SNX7: variants seen among roughly 807,000 people sequenced by gnomAD.
SNX7 encodes the protein sorting nexin 7.
SNX7 carries 35 observed loss-of-function variants against 48.4 expected under a neutral mutation model. The ratio of observed to expected loss-of-function variants is 0.72; its 90% confidence interval spans 0.55 to 0.96. The LOEUF (loss-of-function observed/expected upper bound fraction) is 0.96. Among genes scored for constraint, SNX7 ranks in the 40% least tolerant of loss-of-function variants. SNX7 has a pLI of 0.00. For synonymous variants in SNX7, 190 were observed against 190.2 expected (o/e 1.00, Z 0.01); for missense variants, 553 against 548.9 (o/e 1.01, Z -0.07).
intron 8 of SNX7, among the ~76,000 whole-genome samples, chr1:98,745,748 A>G (rs932989416): frequency 6.6e-6 from 1 of 152,050 alleles, no homozygotes; most frequent in Non-Finnish European, 1.5e-5. Flanking sequence ...GGAAGTACTC[A>G]CTGGAAGCCT....
At chr1:98,740,785 T>G (rs1187240643) in intron 8 of SNX7, among the ~76,000 whole-genome samples, 1 of 152,190 alleles carries the variant, frequency 6.6e-6, no homozygotes, top group African/African-American at 2.4e-5. Context: ...TTTAACTCTT[T>G]CCCCAAGTGT....
intron 1 of SNX7, among the ~76,000 whole-genome samples, chr1:98,672,298 T>C (rs1649913732): frequency 6.6e-6 from 1 of 151,818 alleles, no homozygotes; most frequent in African/African-American, 2.4e-5. Context: ...AACTGGGACA[T>C]GCCACTCCTG....
At chr1:98,742,033 A>G (rs1654096474) in intron 8 of SNX7, among the ~76,000 whole-genome samples, 1 of 152,162 alleles carries the variant, frequency 6.6e-6, no homozygotes, top group African/African-American at 2.4e-5. Flanking sequence ...CTATTAATAT[A>G]AAATAGAACA....
chr1:98,716,365 A>G (rs1007049491), intron 7 of SNX7, among the ~76,000 whole-genome samples: 6 of 152,094 alleles, frequency 3.9e-5, no homozygotes, highest in African/African-American at 1.4e-4. Flanking sequence ...TGCTTTGACA[A>G]TCTGTACTAG....
At chr1:98,702,679 A>C (rs1461052835) in intron 7 of SNX7, among the ~76,000 whole-genome samples, 1 of 152,134 alleles carries the variant, frequency 6.6e-6, no homozygotes, top group Non-Finnish European at 1.5e-5. Flanking sequence ...GTTTATATAT[A>C]GGTCTTGAAA....
intron 1 of SNX7, among the ~76,000 whole-genome samples, chr1:98,663,442 C>T (rs113150623): frequency 5.2e-4 from 79 of 151,998 alleles, no homozygotes; most frequent in African/African-American, 1.9e-3. Flanking sequence ...TTCTAGCTGA[C>T]TCTTAAGAAT....
chr1:98,749,169 T>A (rs1378774530), intron 8 of SNX7, among the ~76,000 whole-genome samples: 3 of 152,104 alleles, frequency 2.0e-5, no homozygotes, highest in African/African-American at 7.2e-5. Context: ...TACGTTAATT[T>A]CTCCTATAAA....
rs545652432 is a variant in SNX7, at chr1:98,681,428, A to G, written c.181-3457A>G. The stretch of plus-strand genomic sequence containing the variant: ...GGCAACATAGCAAGACCTTATCACT[A>G]TAAGATATTTTTTAAAGCAGTAGAA... On this transcript the variant is annotated intron_variant, in intron 1 of 8. Transcript: ENST00000306121. 1.3e-3 allele frequency among the ~76,000 whole-genome samples: 195 copies of G among 152,338 alleles called. 1 individual carries two copies. The highest frequency in any genetic ancestry group is 4.4e-3 in the African/African-American group (184 of 41,582).
chr1:98,681,807 CAGTG>C (rs1334970235), intron 1 of SNX7, among the ~76,000 whole-genome samples: 5 of 152,170 alleles, frequency 3.3e-5, no homozygotes, highest in Non-Finnish European at 7.3e-5. Context: ...TGTATTGCGT[CAGTG>C]CTAATTTCCC....
At chr1:98,721,701 A>G (rs896725332) in intron 7 of SNX7, among the ~76,000 whole-genome samples, 5 of 152,170 alleles carry the variant, frequency 3.3e-5, no homozygotes, top group African/African-American at 1.2e-4. Context: ...TGGCCTGTGA[A>G]GTTCTGTGAA....
chr1:98,670,289 C>A (rs1363441120), intron 1 of SNX7, among the ~76,000 whole-genome samples: 5 of 151,912 alleles, frequency 3.3e-5, no homozygotes, highest in African/African-American at 9.7e-5. Context: ...TGAAAAAAAA[C>A]CATATTAAGC....
chr1:98,696,227 C>T (rs1282258352), intron 5 of SNX7, among the ~76,000 whole-genome samples: 2 of 150,292 alleles, frequency 1.3e-5, no homozygotes, highest in Admixed American at 6.6e-5. Flanking sequence ...ATTCTAATCA[C>T]GTGATGATTT....
At chr1:98,718,467 T>A (rs921212128) in intron 7 of SNX7, among the ~76,000 whole-genome samples, 3 of 152,118 alleles carry the variant, frequency 2.0e-5, no homozygotes, top group African/African-American at 7.2e-5. Context: ...CAACCACTAC[T>A]CATTTATATA....
intron 7 of SNX7, among the ~76,000 whole-genome samples, chr1:98,733,504 T>G (rs989588184): frequency 6.6e-6 from 1 of 152,166 alleles, no homozygotes; most frequent in African/African-American, 2.4e-5. Context: ...CTCTGTCCTT[T>G]TCCTTAGCTC....
At chr1:98,694,639 G>A (rs1192147329) in intron 4 of SNX7, among the ~76,000 whole-genome samples, 1 of 106,104 alleles carries the variant, frequency 9.4e-6, no homozygotes, top group Admixed American at 1.5e-4. Flanking sequence ...ATGGAGTCTC[G>A]CTCTGTGGCT....
At chr1:98,755,521 CA>C (rs1326426501) in intron 8 of SNX7, among the ~76,000 whole-genome samples, 1 of 151,794 alleles carries the variant, frequency 6.6e-6, no homozygotes, top group Non-Finnish European at 1.5e-5. Context: ...ATGAAATGAT[CA>C]TCTTTATCTC....
intron 7 of SNX7, among the ~76,000 whole-genome samples, chr1:98,729,671 T>G (rs1330694407): frequency 1.3e-5 from 2 of 152,106 alleles, no homozygotes; most frequent in Non-Finnish European, 2.9e-5. Flanking sequence ...AAGAAACTGA[T>G]AAATTCCTGG....
intron 2 of SNX7, among the ~76,000 whole-genome samples, chr1:98,689,680 T>C (rs1651004308): frequency 6.6e-6 from 1 of 152,220 alleles, no homozygotes; most frequent in Non-Finnish European, 1.5e-5. Context: ...TGTACGTATG[T>C]ACCCGGTACA....
intron 2 of SNX7, 99 bp downstream of exon 2, chr1:98,685,166 C>T: frequency 1.4e-6 from 1 of 736,988 alleles, no homozygotes; most frequent in Non-Finnish European, 2.0e-6. Context: ...ATTCCAAGAT[C>T]TTAGCTGAAT....
Sources: gnomAD v4.1 joint callset for allele counts (sites outside exome capture counted in the v4.1 genomes callset) on GRCh38, gnomAD v4.1.1 for gene constraint, MANE v1.5 for transcripts, NCBI Gene and HGNC (gene_info 2026-07-23, HGNC 2026-07-21) for gene names.